Variants in HOXA4 observed in about 807,000 individuals in gnomAD.
The protein encoded by HOXA4 is homeobox A4, also known as homeobox protein Hox-A4.
A neutral mutation model predicts 25.3 loss-of-function variants in HOXA4; 31 were observed. That is an observed-to-expected ratio of 1.22 (90% CI 0.92 to 1.65). The LOEUF is 1.65. Among genes scored for constraint, HOXA4 ranks in the 40% most tolerant of loss-of-function variants. The pLI is 0.00. For missense variants in HOXA4, 459 were observed against 446.0 expected (o/e 1.03, Z -0.26); for synonymous variants, 225 against 207.7 (o/e 1.08, Z -0.72).
rs199548066 is a variant in HOXA4, at chr7:27,130,719, C to T, written c.15G>A (p.Ser5=). MTMS[S]FLINSNYIEP... The stretch of plus-strand genomic sequence containing the variant: ...CGATGTAGTTGGAGTTTATCAAAAA[C>T]GAGCTCATGGTCATTAATTTGTGAA... Residue 5 remains serine, a synonymous_variant, in exon 1 of 2, where the codon TCG becomes TCA. Transcript: ENST00000360046. 43 of 1,606,978 alleles carry T rather than the reference C, an allele frequency of 2.7e-5. No individual in the cohort carries two copies. In the Middle Eastern group the frequency reaches 4.9e-4, roughly 18 times the overall value.
At position 27,130,177 on chromosome 7, in the gene HOXA4, C is replaced by A. The variant is rs1250446186; in HGVS notation, c.557G>T (p.Gly186Val). The A allele has an allele frequency of 6.3e-7, 1 of 1,593,578 alleles. No individual in the cohort carries two copies. Among genetic ancestry groups the A allele is most frequent in the Admixed American group, 1.7e-5 (1 of 59,086 alleles). The change falls in exon 1 of 2, where the codon GGC becomes GTC. Residue 186 changes from glycine to valine, a missense_variant. Physicochemically the swap from Gly to Val is moderately radical, Grantham distance 109. Coordinates refer to ENST00000360046, the MANE Select transcript of HOXA4 (RefSeq NM_002141.5). ...CACCACGGGCTCCTTGCCCTTCAGGCCCAGCGGGCTCTTGTCGGCCAAGAG... is the reference window on the plus strand; with the variant it reads ...CACCACGGGCTCCTTGCCCTTCAGGACCAGCGGGCTCTTGTCGGCCAAGAG... ...PLLLADKSPLGLKGKEPVVYP... is the reference protein window; with the variant it reads ...PLLLADKSPLVLKGKEPVVYP...
intron 1 of HOXA4, 42 bp downstream of exon 1, chr7:27,130,076 G>T: frequency 6.4e-7 from 1 of 1,550,512 alleles, no homozygotes; most frequent in African/African-American, 1.4e-5. Flanking sequence ...CCCAGGCCCA[G>T]CCCCGGCCCA....
Position 27,129,133 on chromosome 7 carries a change from G to C in HOXA4, c.*92C>G. ...TGGGTTTGTTTTGGTGTCTATTATG[G>C]TCCAGATGGGGAGGGGTGGATGAGG... is the stretch of plus-strand genomic sequence containing the variant. On this transcript the variant is annotated 3_prime_UTR_variant, in exon 2 of 2. Coordinates refer to ENST00000360046, the MANE Select transcript of HOXA4 (RefSeq NM_002141.5). 1 of 833,400 alleles carries C rather than the reference G, an allele frequency of 1.2e-6. No homozygotes were observed. The highest frequency in any genetic ancestry group is 2.1e-6 in the Non-Finnish European group (1 of 472,004). The allele number at this position is 833,400 out of a possible 1,614,324, so 51.6% of individuals were successfully genotyped here. A position where few individuals can be genotyped will look rare whatever the true frequency, so the allele number is the denominator to read the frequency against.
rs1785469954 is a variant in HOXA4 at position 27,130,235 on chromosome 7, G to A, written c.499C>T (p.Pro167Ser). 3.0e-6 allele frequency: 4 copies of A among 1,329,502 alleles called. No homozygotes were observed. Among genetic ancestry groups the A allele is most frequent in the Non-Finnish European group, 2.9e-6 (3 of 1,037,554 alleles). The allele number at this position is 1,329,502 out of a possible 1,614,324, so 82.4% of individuals were successfully genotyped here. Reference sequence around the variant, plus strand: ...CACGCGGGGGCGCTGCCCCCTGCCGGGACGCCTGGGGTGGCGGGGGCCGCC... The same window carrying A: ...CACGCGGGGGCGCTGCCCCCTGCCGAGACGCCTGGGGTGGCGGGGGCCGCC... ...CEAAPATPGV[P>S]AGGSAPACPL... Residue 167 changes from proline to serine, a missense_variant, in exon 1 of 2, where the codon CCG becomes TCG. Pro to Ser is a moderately conservative substitution (Grantham distance 74, BLOSUM62 -1). Transcript: ENST00000360046.
Position 27,129,632 on chromosome 7 carries a change from G to C in HOXA4, c.617-61C>G, listed in dbSNP as rs145416440. The C allele has an allele frequency of 3.2e-6, 5 of 1,577,912 alleles. No homozygotes were observed. In the South Asian group the frequency reaches 4.4e-5, roughly 14 times the overall value. The stretch of plus-strand genomic sequence containing the variant: ...AGGAGGGAGCGGAAGAGAGGGAAAG[G>C]AGGAGGAGAGAGAAGGTGGGGTGGG... On this transcript the variant is annotated intron_variant, in intron 1 of 1. Transcript: ENST00000360046.
Position 27,130,098 on chromosome 7 carries a change from TC to T in HOXA4, c.616+19del. 6.3e-7 allele frequency: 1 copy of T among 1,582,330 alleles called. No homozygotes were observed. The highest frequency in any genetic ancestry group is 1.1e-5 in the South Asian group (1 of 88,362). On this transcript the variant is annotated intron_variant, in intron 1 of 1. Coordinates refer to ENST00000360046, the MANE Select transcript of HOXA4 (RefSeq NM_002141.5). ...CCAGCCCCGGCCCACCTCCCGCGCC[TC>T]CCAAGCGGCGCCACGTACCGGCGCT...
chr7:27,130,374 C>G lies in HOXA4; in HGVS notation c.360G>C (p.Pro120=), dbSNP rs1374255975. 1.8e-5 allele frequency: 21 copies of G among 1,144,564 alleles called. No homozygotes were observed. Among genetic ancestry groups the G allele is most frequent in the Non-Finnish European group, 1.9e-5 (18 of 932,940 alleles). The allele number at this position is 1,144,564 out of a possible 1,614,324, so 70.9% of individuals were successfully genotyped here. ...CGTGCGCTGGGCCCTTGGCTTGCGC[C>G]GGGGGCTGCTCGGGCTGGGGCGGCC... is the stretch of plus-strand genomic sequence containing the variant. ...PGRPPQPEQP[P]AQAKGPAHGL... The change falls in exon 1 of 2, where the codon CCG becomes CCC. Residue 120 remains proline, a synonymous_variant. Transcript: ENST00000360046.
rs1209619265 is a variant in HOXA4 at position 27,129,012 on chromosome 7, A to G, written c.*213T>C. 4 of 609,388 alleles carry G rather than the reference A, an allele frequency of 6.6e-6. No individual in the cohort carries two copies. Among genetic ancestry groups the G allele is most frequent in the Non-Finnish European group, 8.8e-6 (3 of 341,508 alleles). The allele number at this position is 609,388 out of a possible 1,614,324, so 37.7% of individuals were successfully genotyped here. ...TTTCGGGCCAGCAGGTTGTTCCACC[A>G]GCCAGCATCCTGGACAACTGTTCTC... On this transcript the variant is annotated 3_prime_UTR_variant, in exon 2 of 2. Transcript: ENST00000360046.
At chr7:27,130,075 A>G in intron 1 of HOXA4, 43 bp downstream of exon 1, 1 of 1,548,838 alleles carries the variant, frequency 6.5e-7, no homozygotes, top group Non-Finnish European at 8.7e-7. Context: ...ACCCAGGCCC[A>G]GCCCCGGCCC....
At chr7:27,130,009 C>G in intron 1 of HOXA4, 109 bp downstream of exon 1, 2 of 1,291,756 alleles carry the variant, frequency 1.5e-6, no homozygotes, top group South Asian at 2.6e-5. Flanking sequence ...CAGATGGGGG[C>G]TCCCCTCCCG....
intron 1 of HOXA4, 190 bp downstream of exon 1, chr7:27,129,928 A>G (rs993639508): frequency 6.1e-6 from 4 of 655,350 alleles, no homozygotes; most frequent in Non-Finnish European, 1.0e-5. Context: ...CCCTGGGTAC[A>G]AAAGGGTTCT....
In HOXA4 at chr7:27,130,616, G is replaced by A. The variant is rs751626752; in HGVS notation, c.118C>T (p.Pro40Ser). 3 of 1,553,780 alleles carry A rather than the reference G, an allele frequency of 1.9e-6. No homozygotes were observed. Among genetic ancestry groups the A allele is most frequent in the African/African-American group, 1.4e-5 (1 of 72,486 alleles). ...GGCGCTGGGGGCTGCTGGTAGCCGGGGCCCCCGCCCGGGCCGCCGTCTGCG... is the reference window on the plus strand; with the variant it reads ...GGCGCTGGGGGCTGCTGGTAGCCGGAGCCCCCGCCCGGGCCGCCGTCTGCG... ...GGADGGPGGG[P>S]GYQQPPAPPT... is the part of the protein sequence containing the mutation. Residue 40 changes from proline to serine, a missense_variant, in exon 1 of 2, where the codon CCC becomes TCC. Coordinates refer to ENST00000360046, the MANE Select transcript of HOXA4 (RefSeq NM_002141.5).
In HOXA4 at chr7:27,129,391, C is replaced by G. The variant is rs191156011; in HGVS notation, c.797G>C (p.Arg266Pro). The G allele has an allele frequency of 6.2e-7, 1 of 1,613,962 alleles. No homozygotes were observed. The highest frequency in any genetic ancestry group is 8.5e-7 in the Non-Finnish European group (1 of 1,180,032). The change falls in exon 2 of 2, where the codon CGG becomes CCG. Residue 266 changes from arginine to proline, a missense_variant. Coordinates refer to ENST00000360046, the MANE Select transcript of HOXA4 (RefSeq NM_002141.5). Reference protein sequence around the residue: ...ERQVKIWFQNRRMKWKKDHKL... With the variant: ...ERQVKIWFQNPRMKWKKDHKL... ...GTGGTCTTTCTTCCACTTCATCCTCCGGTTCTGAAACCAGATCTTGACCTG... is the reference window on the plus strand; with the variant it reads ...GTGGTCTTTCTTCCACTTCATCCTCGGGTTCTGAAACCAGATCTTGACCTG...
Position 27,129,463 on chromosome 7 carries a change from C to A in HOXA4, c.725G>T (p.Arg242Leu), listed in dbSNP as rs777100810. Residue 242 changes from arginine to leucine, a missense_variant, in exon 2 of 2, where the codon CGG (arginine) becomes CTG (leucine). By Grantham distance (102) the Arg-to-Leu change is moderately radical. Coordinates refer to ENST00000360046, the MANE Select transcript of HOXA4 (RefSeq NM_002141.5). Reference protein sequence around the residue: ...KEFHFNRYLTRRRRIEIAHTL... With the variant: ...KEFHFNRYLTLRRRIEIAHTL... The stretch of plus-strand genomic sequence containing the variant: ...GTGGGCGATCTCGATGCGGCGCCGC[C>A]GGGTCAGGTATCGATTGAAGTGGAA... 1 of 1,614,138 alleles carries A rather than the reference C, an allele frequency of 6.2e-7. No homozygotes were observed. Among genetic ancestry groups the A allele is most frequent in the Non-Finnish European group, 8.5e-7 (1 of 1,180,026 alleles).
At chr7:27,129,795 T>C (rs749695978) in intron 1 of HOXA4, among the ~76,000 whole-genome samples, 1 of 152,148 alleles carries the variant, frequency 6.6e-6, no homozygotes, top group Non-Finnish European at 1.5e-5. Context: ...GTGCTGGGCA[T>C]TGGGGCTGAA....
chr7:27,130,095 G>T (rs1237303767), intron 1 of HOXA4, 23 bp downstream of exon 1: 2 of 1,581,300 alleles, frequency 1.3e-6, no homozygotes, highest in Non-Finnish European at 1.7e-6. Context: ...CACCTCCCGC[G>T]CCTCCCAAGC....
At position 27,129,387 on chromosome 7, in the gene HOXA4, C is replaced by T. The variant is rs1063494; in HGVS notation, c.801G>A (p.Arg267=). Residue 267 remains arginine, a synonymous_variant, in exon 2 of 2, where the codon AGG becomes AGA. Coordinates refer to ENST00000360046, the MANE Select transcript of HOXA4 (RefSeq NM_002141.5). ...RQVKIWFQNR[R]MKWKKDHKLP... ...GTTTGTGGTCTTTCTTCCACTTCAT[C>T]CTCCGGTTCTGAAACCAGATCTTGA... The T allele has an allele frequency of 5.6e-6, 9 of 1,614,114 alleles. No individual in the cohort carries two copies. The Middle Eastern group carries it at 4.9e-4, about 89-fold the overall frequency.
In HOXA4 at chr7:27,129,555, G is replaced by A. The variant is rs531770438; in HGVS notation, c.633C>T (p.Asn211=). 2.5e-6 allele frequency: 4 copies of A among 1,613,312 alleles called. No homozygotes were observed. The highest frequency in any genetic ancestry group is 3.4e-6 in the Non-Finnish European group (4 of 1,180,004). The change falls in exon 2 of 2, where the codon AAC becomes AAT. Residue 211 remains asparagine, a synonymous_variant. Transcript: ENST00000360046. ...TTCGAGAGCGCTTAGGCTCCCCTCC[G>A]TTATAACTGGGGTTAACTGAAAACC... The part of the protein sequence containing the change: ...IHVSAVNPSY[N]GGEPKRSRTA...
At position 27,130,161 on chromosome 7, in the gene HOXA4, C is replaced by G; in HGVS notation, c.573G>C (p.Glu191Asp). 3.7e-6 allele frequency: 6 copies of G among 1,601,342 alleles called. No individual in the cohort carries two copies. The highest frequency in any genetic ancestry group is 5.1e-6 in the Non-Finnish European group (6 of 1,177,326). Residue 191 changes from glutamate (E) to aspartate (D), a missense_variant, in exon 1 of 2, where the codon GAG becomes GAC. Coordinates refer to ENST00000360046, the MANE Select transcript of HOXA4 (RefSeq NM_002141.5). Reference sequence around the variant, plus strand: ...TCTTCATCCAGGGGTACACCACGGGCTCCTTGCCCTTCAGGCCCAGCGGGC... The same window carrying G: ...TCTTCATCCAGGGGTACACCACGGGGTCCTTGCCCTTCAGGCCCAGCGGGC... Reference protein sequence around the residue: ...DKSPLGLKGKEPVVYPWMKKI... With the variant: ...DKSPLGLKGKDPVVYPWMKKI...
Sources: allele counts gnomAD v4.1 joint callset (sites outside exome capture counted in the v4.1 genomes callset), GRCh38; gene constraint gnomAD v4.1.1; transcripts MANE v1.5; gene names NCBI Gene and HGNC (gene_info 2026-07-23, HGNC 2026-07-21).